The following TRIM33 variants were observed in gnomAD, a reference collection of about 807,000 sequenced individuals.
The protein encoded by TRIM33 is tripartite motif containing 33.
A neutral mutation model predicts 125.4 loss-of-function variants in TRIM33; 20 were observed. That is an observed-to-expected ratio of 0.16 (90% confidence interval 0.11 to 0.23). The LOEUF (loss-of-function observed/expected upper bound fraction) is 0.23. Among genes scored for constraint, TRIM33 ranks in the 10% least tolerant of loss-of-function variants. TRIM33 has a pLI of 1.00. For missense variants in TRIM33, 920 were observed against 1,411.4 expected (o/e 0.65, Z 5.58); for synonymous variants, 564 against 513.9 (o/e 1.10, Z -1.32).
chr1:114,424,968 TA>T (rs201738251), intron 9 of TRIM33, among the ~76,000 whole-genome samples: 6,582 of 152,012 alleles, frequency 0.043, 155 homozygotes, highest in African/African-American at 0.063. Flanking sequence ...CTCTCTCTCT[TA>T]CCTGTTCCCC....
At chr1:114,470,525 G>A (rs1174421702) in intron 1 of TRIM33, among the ~76,000 whole-genome samples, 1 of 151,888 alleles carries the variant, frequency 6.6e-6, no homozygotes, top group Non-Finnish European at 1.5e-5. Context: ...CCTTTCTCAG[G>A]CCACCCTAAT....
intron 4 of TRIM33, among the ~76,000 whole-genome samples, chr1:114,444,676 C>T (rs1293301886): frequency 1.3e-5 from 2 of 152,202 alleles, no homozygotes; most frequent in African/African-American, 4.8e-5. Context: ...CATACACAAG[C>T]TTACAGTAAT....
chr1:114,427,688 C>A (rs568346665), intron 7 of TRIM33, 60 bp downstream of exon 7: 106 of 1,502,774 alleles, frequency 7.1e-5, no homozygotes, highest in Non-Finnish European at 8.8e-5. Flanking sequence ...AGGTGCAATT[C>A]ACTGAATATA....
intron 4 of TRIM33, among the ~76,000 whole-genome samples, chr1:114,446,852 T>C (rs1044645652): frequency 6.6e-6 from 1 of 152,012 alleles, no homozygotes; most frequent in Non-Finnish European, 1.5e-5. Flanking sequence ...AGCCCAGGAG[T>C]TCGAGACCAG....
At chr1:114,412,808 T>C (rs1652677261) in intron 11 of TRIM33, among the ~76,000 whole-genome samples, 2 of 152,230 alleles carry the variant, frequency 1.3e-5, no homozygotes. Flanking sequence ...ACAAAGCTGC[T>C]ATAAACATTT....
chr1:114,507,746 G>A (rs1345975407), intron 1 of TRIM33, among the ~76,000 whole-genome samples: 1 of 152,156 alleles, frequency 6.6e-6, no homozygotes, highest in Admixed American at 6.5e-5. Flanking sequence ...TTCCAGCACA[G>A]CTTGATCTTT....
chr1:114,397,620 T>TA lies in TRIM33; in HGVS notation c.*27dup. The TA allele has an allele frequency of 4.2e-6, 5 of 1,197,234 alleles. No individual in the cohort carries two copies. Among genetic ancestry groups the TA allele is most frequent in the Non-Finnish European group, 3.6e-6 (3 of 840,712 alleles). 74.2% of individuals were successfully genotyped at this position (1,197,234 alleles called of 1,614,324 possible). A position where few individuals can be genotyped will look rare whatever the true frequency, so the allele number is the denominator to read the frequency against. ...TTTTTTTTTTTCGTTTTTTTTTTTT[T>TA]AAACAATTGATTTAAATCCATGTCA... On this transcript the variant is annotated 3_prime_UTR_variant, in exon 20 of 20. Transcript: ENST00000358465.
chr1:114,395,571 T>C lies in TRIM33; in HGVS notation c.*2077A>G, dbSNP rs1651499065. On this transcript the variant is annotated 3_prime_UTR_variant, in exon 20 of 20. Coordinates refer to ENST00000358465, the MANE Select transcript of TRIM33 (RefSeq NM_015906.4). ...TGCTATTCCTCACTTTCCAAAAATG[T>C]GCCCTTAGATATATGTCTACTTACA... 5.0e-6 allele frequency: 1 copy of C among 200,246 alleles called. No individual in the cohort carries two copies. The highest frequency in any genetic ancestry group is 1.0e-5 in the Non-Finnish European group (1 of 96,974). 12.4% of individuals were successfully genotyped at this position (200,246 alleles called of 1,614,324 possible). A position where few individuals can be genotyped will look rare whatever the true frequency, so the allele number is the denominator to read the frequency against.
Position 114,421,557 on chromosome 1 carries a change from G to A in TRIM33, c.1940C>T (p.Thr647Ile), listed in dbSNP as rs1392803877. 2 of 1,614,144 alleles carry A rather than the reference G, an allele frequency of 1.2e-6. No homozygotes were observed. Among genetic ancestry groups the A allele is most frequent in the South Asian group, 1.1e-5 (1 of 91,084 alleles). Residue 647 changes from threonine (T) to isoleucine (I), a missense_variant, in exon 11 of 20, where the codon ACA becomes ATA. Physicochemically the swap from Thr to Ile is moderately conservative, Grantham distance 89. Around this residue, in one of 8 missense-constraint regions of TRIM33, gnomAD observed 407 missense variants for 589.7 expected, o/e 0.69. Coordinates refer to ENST00000358465, the MANE Select transcript of TRIM33 (RefSeq NM_015906.4). ...TCGGTTTGCATTTGCCATAGTTGCTGTAGTAGGGCTCGTTGGGTTGATTGT... is the reference window on the plus strand; with the variant it reads ...TCGGTTTGCATTTGCCATAGTTGCTATAGTAGGGCTCGTTGGGTTGATTGT... ...NTTINPTSPT[T>I]ATMANANRGP...
chr1:114,420,840 T>G (rs1263807687), intron 11 of TRIM33, among the ~76,000 whole-genome samples: 1 of 152,204 alleles, frequency 6.6e-6, no homozygotes, highest in Non-Finnish European at 1.5e-5. Flanking sequence ...CAATCAACTG[T>G]TGTCACCATG....
intron 8 of TRIM33, among the ~76,000 whole-genome samples, chr1:114,426,705 AC>A (rs1647613207): frequency 6.6e-6 from 1 of 152,144 alleles, no homozygotes; most frequent in African/African-American, 2.4e-5. Flanking sequence ...CTACGCTGTA[AC>A]AAAAGGAAAA....
At chr1:114,403,016 A>G in intron 15 of TRIM33, 133 bp from the exon 16 acceptor site, 1 of 875,928 alleles carries the variant, frequency 1.1e-6, no homozygotes, top group Non-Finnish European at 1.6e-6. Context: ...ATAGTTGTGA[A>G]ATCTCGTCAG....
In TRIM33 at chr1:114,511,065, G is replaced by T; in HGVS notation, c.12C>A (p.Asn4Lys). The T allele has an allele frequency of 7.7e-7, 1 of 1,292,724 alleles. No individual in the cohort carries two copies. The highest frequency in any genetic ancestry group is 9.8e-7 in the Non-Finnish European group (1 of 1,016,904). The allele number at this position is 1,292,724 out of a possible 1,614,324, so 80.1% of individuals were successfully genotyped here. The change falls in exon 1 of 20, where the codon AAC becomes AAA. Residue 4 changes from asparagine to lysine, a missense_variant. Asn to Lys is a moderately conservative substitution (Grantham distance 94). Coordinates refer to ENST00000358465, the MANE Select transcript of TRIM33 (RefSeq NM_015906.4). The stretch of plus-strand genomic sequence containing the variant: ...CGCTCTCAGCCTCGCCGCCGCCTTT[G>T]TTTTCCGCCATGTTTTCCTCTTTGA... MAE[N>K]KGGGEAESGG... is the part of the protein sequence containing the mutation.
rs1425761319 is a variant in TRIM33, at chr1:114,432,785, C to CA, written c.1040+831dup. Among the ~76,000 whole-genome samples the CA allele has an allele frequency of 3.6e-4, 52 of 143,764 alleles. 2 individuals carry two copies. Among genetic ancestry groups the CA allele is most frequent in the East Asian group, 3.2e-3 (16 of 5,002 alleles). 94.3% of individuals were successfully genotyped at this position (143,764 alleles called of 152,430 possible). On this transcript the variant is annotated intron_variant, in intron 5 of 19. Coordinates refer to ENST00000358465, the MANE Select transcript of TRIM33 (RefSeq NM_015906.4). ...TGGGCGACAGACCGAGACTCCGTCT[C>CA]AAAAAAAAAAAGTTCTACCATGTGT...
chr1:114,455,147 A>G (rs1169766229), intron 4 of TRIM33, among the ~76,000 whole-genome samples: 3 of 152,148 alleles, frequency 2.0e-5, no homozygotes, highest in Non-Finnish European at 2.9e-5. Flanking sequence ...CATGATCCAG[A>G]CACACCAGCA....
At chr1:114,486,997 G>A (rs1407167669) in intron 1 of TRIM33, among the ~76,000 whole-genome samples, 1 of 150,124 alleles carries the variant, frequency 6.7e-6, no homozygotes, top group Non-Finnish European at 1.5e-5. Flanking sequence ...TGAAGCAGGC[G>A]AATCACTTGA....
At chr1:114,455,059 A>G (rs1207709591) in intron 4 of TRIM33, among the ~76,000 whole-genome samples, 5 of 152,170 alleles carry the variant, frequency 3.3e-5, no homozygotes, top group Admixed American at 6.5e-5. Flanking sequence ...TTTGGTTTTT[A>G]ATGCTGTAGA....
In TRIM33 at chr1:114,421,467, A is replaced by C; in HGVS notation, c.2030T>G (p.Leu677Arg). The change falls in exon 11 of 20, where the codon CTT (leucine) becomes CGT (arginine). Residue 677 changes from leucine (L) to arginine (R), a missense_variant. Leu to Arg is a moderately radical substitution (Grantham distance 102). Around this residue, in one of 8 missense-constraint regions of TRIM33, gnomAD observed 407 missense variants for 589.7 expected, o/e 0.69. Transcript: ENST00000358465. ...GGGTGGAATATCTGGCAGCGATGGA[A>C]GGTTTTCTGGATTGGTAACTGAGGG... ...LIPSVTNPEN[L>R]PSLPDIPPIQ... is the part of the protein sequence containing the mutation. 1 of 1,614,128 alleles carries C rather than the reference A, an allele frequency of 6.2e-7. No individual in the cohort carries two copies. The highest frequency in any genetic ancestry group is 1.3e-5 in the African/African-American group (1 of 75,012).
At chr1:114,443,622 T>C (rs7524365) in intron 4 of TRIM33, among the ~76,000 whole-genome samples, 3,707 of 152,308 alleles carry the variant, frequency 0.024, 145 homozygotes, top group African/African-American at 0.084. Flanking sequence ...TCTTACTCTT[T>C]AATAAAAATA....
Sources: gnomAD v4.1 joint callset for allele counts (sites outside exome capture counted in the v4.1 genomes callset) on GRCh38, gnomAD v4.1.1 for gene constraint, gnomAD v4.1.1 regional missense constraint, MANE v1.5 for transcripts, NCBI Gene and HGNC (gene_info 2026-07-23, HGNC 2026-07-21) for gene names.